NOP16: variants seen among roughly 807,000 people sequenced by gnomAD.
NOP16 encodes the protein NOP16 nucleolar protein, also known as nucleolar protein 16.
A neutral mutation model predicts 22.7 loss-of-function variants in NOP16; 14 were observed. The observed-to-expected ratio is 0.62, with a 90% confidence interval of 0.41 to 0.97. NOP16 has a LOEUF of 0.97. Among genes scored for constraint, NOP16 ranks in the 50% least tolerant of loss-of-function variants. The pLI, the probability that NOP16 is intolerant of heterozygous loss-of-function variation, is 0.00. For missense variants in NOP16, 198 were observed against 235.9 expected (o/e 0.84, Z 1.05); for synonymous variants, 80 against 83.6 (o/e 0.96, Z 0.23).
rs754304687 is a variant in NOP16 at position 176,384,195 on chromosome 5, G to T, written c.*36C>A. 4 of 1,614,112 alleles carry T rather than the reference G, an allele frequency of 2.5e-6. No homozygotes were observed. Among genetic ancestry groups the T allele is most frequent in the South Asian group, 1.1e-5 (1 of 91,080 alleles). On this transcript the variant is annotated 3_prime_UTR_variant, in exon 5 of 5. Transcript: ENST00000614830. ...TGGCTCCAGCTTCACTGGTCCGGGG[G>T]ACGCCTCAGCCTGGGGCAGCTGTGA...
Sources: allele counts gnomAD v4.1 joint callset, GRCh38; gene constraint gnomAD v4.1.1; transcripts MANE v1.5; gene names NCBI Gene and HGNC (gene_info 2026-07-23, HGNC 2026-07-21).